The following CBFA2T3 variants were observed in gnomAD, a reference collection of about 807,000 sequenced individuals.
The protein encoded by CBFA2T3 is CBFA2/RUNX1 partner transcriptional co-repressor 3, also known as transcriptional corepressor CBFA2T3.
Under a neutral mutation model 58.6 loss-of-function variants are expected in CBFA2T3, and 31 were observed. The observed-to-expected ratio is 0.53, with a 90% CI of 0.40 to 0.71. CBFA2T3 has a LOEUF of 0.71. Ranked by LOEUF, CBFA2T3 falls within the 30% of genes least tolerant of loss-of-function variation. The probability of loss-of-function intolerance (pLI) is 0.00; values close to 1 mark genes in which losing one functional copy is unlikely to be tolerated. For missense variants in CBFA2T3, 1,076 were observed against 963.1 expected (o/e 1.12, Z -1.55); for synonymous variants, 531 against 421.9 (o/e 1.26, Z -3.17).
chr16:88,901,364 C>T (rs1322131199), intron 2 of CBFA2T3, 140 bp downstream of exon 2: 8 of 517,854 alleles, frequency 1.5e-5, no homozygotes, highest in African/African-American at 1.2e-4. Flanking sequence ...CAAGCCTGGG[C>T]TCTGGGCCAC....
At chr16:88,945,626 A>G (rs1350298919) in intron 1 of CBFA2T3, among the ~76,000 whole-genome samples, 3 of 152,206 alleles carry the variant, frequency 2.0e-5, no homozygotes, top group Admixed American at 2.0e-4. Context: ...AGAGGCCACG[A>G]CACGCCTGTT....
intron 1 of CBFA2T3, among the ~76,000 whole-genome samples, chr16:88,923,749 A>G (rs1970998179): frequency 6.6e-6 from 1 of 152,072 alleles, no homozygotes; most frequent in Admixed American, 6.5e-5. Flanking sequence ...TCGGCTTTGG[A>G]ACTCGGGCTC....
chr16:88,944,583 G>C (rs1014096112), intron 1 of CBFA2T3, among the ~76,000 whole-genome samples: 1 of 152,184 alleles, frequency 6.6e-6, no homozygotes, highest in Non-Finnish European at 1.5e-5. Flanking sequence ...GCAGCCTTCT[G>C]TCCTGCCAAC....
rs1567643999 is a variant in CBFA2T3 at position 88,975,181 on chromosome 16, T to TATCAAAGGGCCACCCTGACC, written c.151+1475_151+1476insGGTCAGGGTGGCCCTTTGAT. ...CCACCCTGACCCTCTCTGCTCCACA[T>TATCAAAGGGCCACCCTGACC]CTTTAGCCATGTCAGAGGTCCACCC... On this transcript the variant is annotated intron_variant, in intron 1 of 11. Coordinates refer to ENST00000268679, the MANE Select transcript of CBFA2T3 (RefSeq NM_005187.6). Among the ~76,000 whole-genome samples the TATCAAAGGGCCACCCTGACC allele has an allele frequency of 2.5e-4, 12 of 47,848 alleles. No homozygotes were observed. The East Asian group carries it at 3.1e-3, about 12-fold the overall frequency. The allele number at this position is 47,848 out of a possible 152,430, so 31.4% of individuals were successfully genotyped here. A position where few individuals can be genotyped will look rare whatever the true frequency, so the allele number is the denominator to read the frequency against.
chr16:88,912,786 T>C (rs1462189129), intron 1 of CBFA2T3, among the ~76,000 whole-genome samples: 3 of 152,216 alleles, frequency 2.0e-5, no homozygotes, highest in Non-Finnish European at 2.9e-5. Flanking sequence ...GGCTCGCTGC[T>C]GCAGGACAGA....
At chr16:88,968,917 T>C (rs2142880977) in intron 1 of CBFA2T3, among the ~76,000 whole-genome samples, 1 of 150,520 alleles carries the variant, frequency 6.6e-6, no homozygotes, top group South Asian at 2.1e-4. Context: ...ATAACCCCTC[T>C]GAGCTCCAGG....
rs984772416 is a variant in CBFA2T3 at position 88,953,106 on chromosome 16, A to C, written c.151+23551T>G. Among the ~76,000 whole-genome samples, 3 of 152,148 alleles carry C rather than the reference A, an allele frequency of 2.0e-5. No homozygotes were observed. The highest frequency in any genetic ancestry group is 7.2e-5 in the African/African-American group (3 of 41,426). ...AACCTGGTCTCCGTCTGCCGGTTAGATCGGCCCCCAGTCCTGCTGGCCCCA... is the reference window on the plus strand; with the variant it reads ...AACCTGGTCTCCGTCTGCCGGTTAGCTCGGCCCCCAGTCCTGCTGGCCCCA... On this transcript the variant is annotated intron_variant, in intron 1 of 11. Coordinates refer to ENST00000268679, the MANE Select transcript of CBFA2T3 (RefSeq NM_005187.6). The surrounding 1 kb of genome is among the most constrained non-coding windows in gnomAD (Gnocchi z 4.9).
chr16:88,887,796 T>C (rs1969441602), intron 5 of CBFA2T3, among the ~76,000 whole-genome samples: 1 of 152,076 alleles, frequency 6.6e-6, no homozygotes. Flanking sequence ...ACTCCACCAC[T>C]GAACGGAAGT....
At chr16:88,916,088 T>G (rs1201600705) in intron 1 of CBFA2T3, among the ~76,000 whole-genome samples, 1 of 150,890 alleles carries the variant, frequency 6.6e-6, no homozygotes, top group African/African-American at 2.4e-5. Flanking sequence ...ATGTGTGTAT[T>G]CATGTGTGTG....
At chr16:88,944,966 G>A (rs1265173375) in intron 1 of CBFA2T3, among the ~76,000 whole-genome samples, 1 of 152,342 alleles carries the variant, frequency 6.6e-6, no homozygotes, top group East Asian at 1.9e-4. Context: ...CCAGGCCAGC[G>A]TGGTCCAGCG....
Position 88,885,924 on chromosome 16 carries a change from G to T in CBFA2T3, c.893+37C>A. On this transcript the variant is annotated intron_variant, in intron 6 of 11. Transcript: ENST00000268679. This position sits in a 1 kb window ranked among gnomAD's most constrained non-coding sequence, Gnocchi z 5.3. ...GGAGCAGGGTGAGCCGCGTGTCCACGGCACCCCCAGCCCAGATCCCCGGAG... is the reference window on the plus strand; with the variant it reads ...GGAGCAGGGTGAGCCGCGTGTCCACTGCACCCCCAGCCCAGATCCCCGGAG... 11 of 1,532,688 alleles carry T rather than the reference G, an allele frequency of 7.2e-6. No homozygotes were observed. Among genetic ancestry groups the T allele is most frequent in the Non-Finnish European group, 9.7e-6 (11 of 1,135,574 alleles). The allele number at this position is 1,532,688 out of a possible 1,614,324, so 94.9% of individuals were successfully genotyped here.
intron 1 of CBFA2T3, among the ~76,000 whole-genome samples, chr16:88,907,542 C>T (rs1416978538): frequency 2.0e-5 from 3 of 152,234 alleles, no homozygotes; most frequent in African/African-American, 4.8e-5. Flanking sequence ...TGAGATCCTG[C>T]GCTTCTCTAT....
intron 1 of CBFA2T3, among the ~76,000 whole-genome samples, chr16:88,903,633 G>T (rs914304777): frequency 7.0e-6 from 1 of 143,824 alleles, no homozygotes; most frequent in African/African-American, 2.6e-5. Context: ...GTGGCAGGGT[G>T]TTCCTGTGGT....
intron 1 of CBFA2T3, among the ~76,000 whole-genome samples, chr16:88,956,172 C>T (rs1343253847): frequency 6.6e-6 from 1 of 152,252 alleles, no homozygotes; most frequent in Admixed American, 6.5e-5. Context: ...TGGAGGGCAG[C>T]CGCCTGGCCC....
At chr16:88,905,641 G>A (rs1970282987) in intron 1 of CBFA2T3, among the ~76,000 whole-genome samples, 1 of 148,034 alleles carries the variant, frequency 6.8e-6, no homozygotes, top group South Asian at 2.2e-4. Context: ...TGAGTGGAGC[G>A]CCATGATCAG....
intron 10 of CBFA2T3, 148 bp downstream of exon 10, chr16:88,880,572 C>A: frequency 1.5e-6 from 1 of 689,560 alleles, no homozygotes; most frequent in East Asian, 2.7e-5. Context: ...CTGACCTCTC[C>A]GTGAGCCACA....
At chr16:88,949,497 T>G (rs1208912171) in intron 1 of CBFA2T3, among the ~76,000 whole-genome samples, 1 of 144,914 alleles carries the variant, frequency 6.9e-6, no homozygotes, top group African/African-American at 2.6e-5. Context: ...AGGCGGAGGT[T>G]GCAGTGAGCT....
intron 1 of CBFA2T3, among the ~76,000 whole-genome samples, chr16:88,959,832 C>G (rs935162913): frequency 6.6e-6 from 1 of 152,082 alleles, no homozygotes; most frequent in South Asian, 2.1e-4. Flanking sequence ...TCGAGACCAG[C>G]CTAGCCAACA....
intron 3 of CBFA2T3, among the ~76,000 whole-genome samples, chr16:88,894,224 ATG>A: frequency 8.3e-6 from 1 of 120,548 alleles, no homozygotes; most frequent in East Asian, 2.5e-4. Context: ...GCACGCACAC[ATG>A]CACACACACA....
Sources: allele counts gnomAD v4.1 joint callset (sites outside exome capture counted in the v4.1 genomes callset), GRCh38; gene constraint gnomAD v4.1.1; non-coding constraint Gnocchi (gnomAD v3.1); transcripts MANE v1.5; gene names NCBI Gene and HGNC (gene_info 2026-07-23, HGNC 2026-07-21).